DLG2: variants seen among roughly 807,000 people sequenced by gnomAD.
DLG2 encodes discs large MAGUK scaffold protein 2.
DLG2 carries 45 observed loss-of-function variants against 132.5 expected under a neutral mutation model. The ratio of observed to expected loss-of-function variants is 0.34; its 90% CI spans 0.27 to 0.44. The LOEUF (loss-of-function observed/expected upper bound fraction) is 0.44. Ranked by LOEUF, DLG2 falls within the 20% of genes least tolerant of loss-of-function variation. DLG2 has a pLI of 1.00. For missense variants in DLG2, 1,045 were observed against 1,196.9 expected, an observed-to-expected ratio of 0.87 and a Z score of 1.87; for synonymous variants, 424 against 419.6, an observed-to-expected ratio of 1.01 and a Z score of -0.13.
intron 6 of DLG2, among the ~76,000 whole-genome samples, chr11:84,889,762 G>A (rs1435903407): frequency 6.6e-6 from 1 of 152,144 alleles, no homozygotes; most frequent in African/African-American, 2.4e-5. Context: ...CATGCTGAGG[G>A]TTAGTTCAGG....
At chr11:83,867,941 G>A (rs1209128406) in intron 16 of DLG2, among the ~76,000 whole-genome samples, 1 of 152,110 alleles carries the variant, frequency 6.6e-6, no homozygotes, top group Non-Finnish European at 1.5e-5. Flanking sequence ...AGAAAAGGAT[G>A]TCTTACGGAG....
intron 6 of DLG2, among the ~76,000 whole-genome samples, chr11:84,912,507 C>A (rs1041934108): frequency 6.6e-6 from 1 of 152,154 alleles, no homozygotes; most frequent in Non-Finnish European, 1.5e-5. Context: ...ATATCTGGGG[C>A]TTTTTTTGTC....
At chr11:83,505,898 A>T (rs1044634932) in intron 21 of DLG2, among the ~76,000 whole-genome samples, 1 of 152,084 alleles carries the variant, frequency 6.6e-6, no homozygotes, top group African/African-American at 2.4e-5. Flanking sequence ...TCCTCTGTCT[A>T]CTGATCATAG....
At chr11:84,278,477 T>C (rs1044129444) in intron 7 of DLG2, among the ~76,000 whole-genome samples, 1 of 151,734 alleles carries the variant, frequency 6.6e-6, no homozygotes, top group East Asian at 1.9e-4. Flanking sequence ...AGATCATTTT[T>C]TTTTTTTGAG....
In DLG2 at chr11:83,918,080, G is replaced by A. The variant is rs78588997; in HGVS notation, c.1496+12248C>T. Among the ~76,000 whole-genome samples the A allele has an allele frequency of 4.2e-3, 634 of 152,276 alleles. 5 individuals carry two copies. Among genetic ancestry groups the A allele is most frequent in the African/African-American group, 0.015 (605 of 41,558 alleles). On this transcript the variant is annotated intron_variant, in intron 15 of 27. Coordinates refer to ENST00000376104, the MANE Select transcript of DLG2 (RefSeq NM_001142699.3). ...GAAGGCAGATGTCCCATTACAAAGAGCTTGGATCTTGAACACATGTGAATT... is the reference window on the plus strand; with the variant it reads ...GAAGGCAGATGTCCCATTACAAAGAACTTGGATCTTGAACACATGTGAATT...
intron 3 of DLG2, among the ~76,000 whole-genome samples, chr11:85,524,438 A>C (rs892876286): frequency 2.0e-5 from 3 of 152,188 alleles, no homozygotes. Context: ...AAAATTAAAC[A>C]ATTTTAAACA....
intron 3 of DLG2, among the ~76,000 whole-genome samples, chr11:85,316,122 A>T (rs912461160): frequency 1.3e-5 from 2 of 148,996 alleles, no homozygotes. Flanking sequence ...CAAACAGAAG[A>T]TTTTTTTTTT....
chr11:84,548,847 T>A (rs509207), intron 6 of DLG2, among the ~76,000 whole-genome samples: 12,291 of 152,142 alleles, frequency 0.081, 625 homozygotes, highest in Admixed American at 0.15. Flanking sequence ...TAAAATAGAT[T>A]AAAGTGTATG....
At chr11:85,108,861 T>G (rs1050271346) in intron 6 of DLG2, among the ~76,000 whole-genome samples, 2 of 152,108 alleles carry the variant, frequency 1.3e-5, no homozygotes, top group Non-Finnish European at 2.9e-5. Flanking sequence ...GTAACATTGA[T>G]TGTAAGTTAT....
intron 6 of DLG2, chr11:84,721,018 G>A (rs996581737): frequency 1.3e-5 from 2 of 152,172 alleles, no homozygotes; most frequent in African/African-American, 4.8e-5. Flanking sequence ...GGCGCTCTTG[G>A]TGCCACGAAG....
At chr11:84,796,680 A>AT (rs913887843) in intron 6 of DLG2, among the ~76,000 whole-genome samples, 112 of 133,216 alleles carry the variant, frequency 8.4e-4, no homozygotes, top group African/African-American at 2.6e-3. Context: ...TTCTAGGGTA[A>AT]TTTTTTTCCC....
intron 6 of DLG2, among the ~76,000 whole-genome samples, chr11:84,695,812 T>C (rs1304008427): frequency 2.0e-5 from 3 of 151,444 alleles, no homozygotes; most frequent in African/African-American, 7.3e-5. Context: ...GTAATACATG[T>C]AGGTGTTTTG....
chr11:85,354,922 T>G (rs1565369614), intron 3 of DLG2, among the ~76,000 whole-genome samples: 1 of 148,886 alleles, frequency 6.7e-6, no homozygotes, highest in Non-Finnish European at 1.5e-5. Flanking sequence ...TTTCATAAAT[T>G]AAAAAAAAAA....
chr11:85,333,278 G>C (rs1412240227), intron 3 of DLG2, among the ~76,000 whole-genome samples: 1 of 152,160 alleles, frequency 6.6e-6, no homozygotes, highest in African/African-American at 2.4e-5. Flanking sequence ...ACTAATTCCT[G>C]TACATAGATT....
At chr11:84,056,012 A>C (rs1490923911) in intron 11 of DLG2, among the ~76,000 whole-genome samples, 1 of 152,092 alleles carries the variant, frequency 6.6e-6, no homozygotes, top group Non-Finnish European at 1.5e-5. Context: ...GATGCTTACT[A>C]TATTGTACCC....
At chr11:83,660,072 T>C (rs899040993) in intron 18 of DLG2, among the ~76,000 whole-genome samples, 1 of 152,212 alleles carries the variant, frequency 6.6e-6, no homozygotes, top group African/African-American at 2.4e-5. Flanking sequence ...GAAAAGATTG[T>C]TCTGGAGGGT....
chr11:84,580,639 C>T (rs1204935913), intron 6 of DLG2, among the ~76,000 whole-genome samples: 1 of 152,156 alleles, frequency 6.6e-6, no homozygotes, highest in African/African-American at 2.4e-5. Context: ...TCTGTCTCCT[C>T]GTATTTTGAA....
intron 3 of DLG2, among the ~76,000 whole-genome samples, chr11:85,535,265 T>C (rs1457221665): frequency 1.3e-5 from 2 of 151,944 alleles, no homozygotes; most frequent in African/African-American, 2.4e-5. Context: ...AAGAAAAAAA[T>C]AATTTCAAAC....
At chr11:84,882,764 C>A (rs2087557356) in intron 6 of DLG2, among the ~76,000 whole-genome samples, 1 of 152,050 alleles carries the variant, frequency 6.6e-6, no homozygotes, top group Non-Finnish European at 1.5e-5. Context: ...CCAGAATCTT[C>A]ATTAAAAATT....
Sources: allele counts gnomAD v4.1 joint callset (sites outside exome capture counted in the v4.1 genomes callset), GRCh38; gene constraint gnomAD v4.1.1; transcripts MANE v1.5; gene names NCBI Gene and HGNC (gene_info 2026-07-23, HGNC 2026-07-21).